The following TMEM232 variants were observed in gnomAD, a reference collection of about 807,000 sequenced individuals.
TMEM232 encodes the protein transmembrane protein 232.
In TMEM232, 80 loss-of-function variants were observed where a neutral mutation model predicts 78.8. The ratio of observed to expected loss-of-function variants is 1.01; its 90% CI spans 0.85 to 1.22. TMEM232 has a LOEUF of 1.22. TMEM232 is among the 50% of genes most tolerant of loss of function. The pLI is 0.00. For missense variants in TMEM232, 881 were observed against 742.2 expected (o/e 1.19, Z -2.17); for synonymous variants, 297 against 254.3 (o/e 1.17, Z -1.60).
At chr5:110,726,436 G>A (rs973948926) in intron 1 of TMEM232, among the ~76,000 whole-genome samples, 191 bp downstream of exon 1, 5 of 152,248 alleles carry the variant, frequency 3.3e-5, no homozygotes, top group African/African-American at 1.2e-4. Flanking sequence ...CTCTTAGGAG[G>A]GGCCCAGATA....
chr5:110,643,475 A>C (rs1787035132), intron 2 of TMEM232, among the ~76,000 whole-genome samples: 1 of 152,062 alleles, frequency 6.6e-6, no homozygotes, highest in Non-Finnish European at 1.5e-5. Flanking sequence ...AGGACAAATA[A>C]GTTGAAAGTG....
At chr5:110,737,002 TAAAAA>T (rs5870418) in intron 1 of TMEM232, among the ~76,000 whole-genome samples, 1 of 134,682 alleles carries the variant, frequency 7.4e-6, no homozygotes, top group Non-Finnish European at 1.6e-5. Context: ...TTCCTTATTC[TAAAAA>T]AAAAAAAAAA....
intron 1 of TMEM232, among the ~76,000 whole-genome samples, chr5:110,721,957 C>T (rs1797691932): frequency 2.0e-5 from 3 of 151,632 alleles, no homozygotes; most frequent in Non-Finnish European, 4.4e-5. Flanking sequence ...GTTAGAATCA[C>T]TTCTTAAAAC....
chr5:110,626,401 T>C (rs1265356832), intron 6 of TMEM232, among the ~76,000 whole-genome samples: 1 of 152,034 alleles, frequency 6.6e-6, no homozygotes, highest in Non-Finnish European at 1.5e-5. Flanking sequence ...ATTCTATCAG[T>C]CTACGGCCAC....
chr5:110,505,728 T>C (rs1203532821), intron 12 of TMEM232, among the ~76,000 whole-genome samples: 2 of 152,156 alleles, frequency 1.3e-5, no homozygotes, highest in Non-Finnish European at 2.9e-5. Flanking sequence ...CAGGCTGGTC[T>C]GGAACTCCTG....
chr5:110,525,280 AAAT>A (rs1770407684), intron 12 of TMEM232, among the ~76,000 whole-genome samples: 2 of 151,988 alleles, frequency 1.3e-5, no homozygotes, highest in South Asian at 4.1e-4. Flanking sequence ...AGGAAAGAGA[AAAT>A]AAATTATTTA....
At chr5:110,652,282 G>GCA (rs767556714) in intron 2 of TMEM232, among the ~76,000 whole-genome samples, 809 of 72,492 alleles carry the variant, frequency 0.011, 14 homozygotes, top group African/African-American at 0.043. Flanking sequence ...GCACACAAAA[G>GCA]TGCACGCGCG....
At chr5:110,524,407 GAAAGAAAGAAAAGAAAAGA>G (rs1177476477) in intron 12 of TMEM232, among the ~76,000 whole-genome samples, 34 of 87,610 alleles carry the variant, frequency 3.9e-4, no homozygotes, top group East Asian at 1.5e-3. Context: ...AAGAAAGAAA[GAAAGAAAGAAAAGAAAAGA>G]AAAGAAAAGA....
intron 12 of TMEM232, among the ~76,000 whole-genome samples, chr5:110,526,511 C>G (rs1483927664): frequency 6.6e-6 from 1 of 151,786 alleles, no homozygotes. Context: ...ATTTAGAAAC[C>G]ATATTTTACC....
chr5:110,645,052 C>T (rs934785498), intron 2 of TMEM232, among the ~76,000 whole-genome samples: 2 of 151,272 alleles, frequency 1.3e-5, no homozygotes, highest in African/African-American at 4.8e-5. Flanking sequence ...AAAGCCTAAA[C>T]ACACCAATAA....
intron 1 of TMEM232, among the ~76,000 whole-genome samples, chr5:110,737,130 T>G (rs1451057047): frequency 6.6e-6 from 1 of 152,154 alleles, no homozygotes; most frequent in African/African-American, 2.4e-5. Context: ...TAAACTAGAA[T>G]GTCAGTTCTA....
intron 10 of TMEM232, among the ~76,000 whole-genome samples, chr5:110,582,210 G>A (rs1397043252): frequency 6.6e-6 from 1 of 151,736 alleles, no homozygotes; most frequent in Non-Finnish European, 1.5e-5. Flanking sequence ...ACATGCACTT[G>A]TACATTCATT....
intron 12 of TMEM232, among the ~76,000 whole-genome samples, chr5:110,481,670 A>G (rs1270721821): frequency 1.3e-5 from 2 of 152,214 alleles, no homozygotes; most frequent in African/African-American, 2.4e-5. Context: ...GTTTCAAAAT[A>G]TAAAAGCATA....
Position 110,667,220 on chromosome 5 carries a change from T to A in TMEM232, c.125+8A>T. ...ACATATGGGTCCTATAATTATTTTC[T>A]AGCTTACCTTGATTTATGACCCCTT... On this transcript the variant is annotated splice_region_variant and intron_variant, in intron 2 of 13. Transcript: ENST00000455884. 6.5e-7 allele frequency: 1 copy of A among 1,537,720 alleles called. No homozygotes were observed. The highest frequency in any genetic ancestry group is 8.8e-7 in the Non-Finnish European group (1 of 1,139,608).
intron 10 of TMEM232, among the ~76,000 whole-genome samples, chr5:110,581,875 A>C (rs1778246823): frequency 6.6e-6 from 1 of 152,078 alleles, no homozygotes; most frequent in Non-Finnish European, 1.5e-5. Flanking sequence ...TCTCAAAAGA[A>C]GACATACATG....
At chr5:110,562,375 T>A (rs1282466840) in intron 11 of TMEM232, among the ~76,000 whole-genome samples, 1 of 152,118 alleles carries the variant, frequency 6.6e-6, no homozygotes, top group East Asian at 1.9e-4. Flanking sequence ...GCATGGCTCA[T>A]GACATTTTCT....
At chr5:110,585,926 C>A (rs1778763466) in intron 10 of TMEM232, among the ~76,000 whole-genome samples, 1 of 152,136 alleles carries the variant, frequency 6.6e-6, no homozygotes, top group African/African-American at 2.4e-5. Flanking sequence ...AAACTCATCC[C>A]AAACTAGTCA....
At chr5:110,645,978 A>C (rs896331943) in intron 2 of TMEM232, among the ~76,000 whole-genome samples, 1 of 151,728 alleles carries the variant, frequency 6.6e-6, no homozygotes, top group African/African-American at 2.4e-5. Context: ...AACAAAAATA[A>C]TAAAATACTA....
chr5:110,559,049 T>C (rs1040065544), intron 11 of TMEM232, among the ~76,000 whole-genome samples: 1 of 152,186 alleles, frequency 6.6e-6, no homozygotes, highest in Non-Finnish European at 1.5e-5. Flanking sequence ...CTCAATGGTC[T>C]AGTAACTTGG....
Sources: allele counts gnomAD v4.1 joint callset (sites outside exome capture counted in the v4.1 genomes callset), GRCh38; gene constraint gnomAD v4.1.1; transcripts MANE v1.5; gene names NCBI Gene and HGNC (gene_info 2026-07-23, HGNC 2026-07-21).